CYB5R3: variants seen among roughly 807,000 people sequenced by gnomAD.
CYB5R3 encodes cytochrome b5 reductase 3, also known as NADH-cytochrome b5 reductase 3.
CYB5R3 carries 28 observed loss-of-function variants against 36.5 expected under a neutral mutation model. The observed-to-expected ratio is 0.77, with a 90% CI of 0.57 to 1.05. CYB5R3 has a LOEUF of 1.05. Among genes scored for constraint, CYB5R3 ranks in the 50% least tolerant of loss-of-function variants. The probability of loss-of-function intolerance (pLI) is 0.00; values close to 1 mark genes in which losing one functional copy is unlikely to be tolerated. For synonymous variants in CYB5R3, 181 were observed against 159.8 expected (o/e 1.13, Z -1.00); for missense variants, 474 against 408.9 (o/e 1.16, Z -1.37).
rs1261754071 is a variant in CYB5R3 at position 42,623,865 on chromosome 22, T to A, written c.657A>T (p.Arg219=). 1.2e-6 allele frequency: 2 copies of A among 1,613,946 alleles called. No homozygotes were observed. Among genetic ancestry groups the A allele is most frequent in the African/African-American group, 2.7e-5 (2 of 74,886 alleles). Reference sequence around the variant, plus strand: ...TGTTCCTGAGTTCCTCCAGCTCAGGTCGCAGCAGGATGTCCTTCTCGGTCT... The same window carrying A: ...TGTTCCTGAGTTCCTCCAGCTCAGGACGCAGCAGGATGTCCTTCTCGGTCT... ...ANQTEKDILL[R]PELEELRNKH... The change falls in exon 8 of 9, where the codon CGA becomes CGT. Residue 219 remains arginine, a synonymous_variant. Coordinates refer to ENST00000352397, the MANE Select transcript of CYB5R3 (RefSeq NM_000398.7).
chr22:42,648,547 T>C (rs1929629424), intron 1 of CYB5R3, among the ~76,000 whole-genome samples: 1 of 152,144 alleles, frequency 6.6e-6, no homozygotes, highest in African/African-American at 2.4e-5. Context: ...GCAGGCTCCT[T>C]CCGGCGGCAG....
intron 1 of CYB5R3, among the ~76,000 whole-genome samples, chr22:42,648,262 T>C (rs938397088): frequency 6.5e-5 from 9 of 137,546 alleles, no homozygotes; most frequent in Non-Finnish European, 9.4e-5. Context: ...GCCCTCCAAG[T>C]GGCAGATGCC....
At chr22:42,635,209 C>T (rs1426099711) in intron 2 of CYB5R3, among the ~76,000 whole-genome samples, 1 of 151,926 alleles carries the variant, frequency 6.6e-6, no homozygotes, top group African/African-American at 2.4e-5. Flanking sequence ...ACCTTGTGAT[C>T]CGCCTGTCTC....
In CYB5R3 at chr22:42,619,172, AG is replaced by A. The variant is rs1462806819; in HGVS notation, c.*600del. The A allele has an allele frequency of 6.5e-6, 1 of 153,490 alleles. No homozygotes were observed. Among genetic ancestry groups the A allele is most frequent in the East Asian group, 1.9e-4 (1 of 5,186 alleles). 9.5% of individuals were successfully genotyped at this position (153,490 alleles called of 1,614,324 possible). A position where few individuals can be genotyped will look rare whatever the true frequency, so the allele number is the denominator to read the frequency against. On this transcript the variant is annotated 3_prime_UTR_variant, in exon 9 of 9. Transcript: ENST00000352397. ...TGGAAGGAAATGCTGAGGTTCTGGG[AG>A]GGCCCCATGGCCAGCCCCCTCTTCC...
chr22:42,648,863 C>A (rs1007634438), intron 1 of CYB5R3, among the ~76,000 whole-genome samples: 7 of 152,158 alleles, frequency 4.6e-5, no homozygotes, highest in Admixed American at 1.3e-4. Flanking sequence ...CCCCATCACA[C>A]GTTTCCATGC....
intron 1 of CYB5R3, chr22:42,640,007 T>C (rs1314527887): frequency 1.2e-6 from 2 of 1,612,890 alleles, no homozygotes; most frequent in Non-Finnish European, 1.7e-6. Flanking sequence ...GTGATCTCTC[T>C]GACATAAAAC....
chr22:42,625,919 GAAAC>G (rs750964941), intron 7 of CYB5R3, among the ~76,000 whole-genome samples: 1 of 152,224 alleles, frequency 6.6e-6, no homozygotes, highest in Non-Finnish European at 1.5e-5. Flanking sequence ...ATGGGATGTA[GAAAC>G]AAACACAGGA....
chr22:42,627,536 G>A (rs1270729028), intron 6 of CYB5R3, 69 bp downstream of exon 6: 8 of 1,514,806 alleles, frequency 5.3e-6, no homozygotes, highest in African/African-American at 4.1e-5. Flanking sequence ...CAGAACCTGC[G>A]CCTCACCCAC....
intron 4 of CYB5R3, among the ~76,000 whole-genome samples, chr22:42,629,494 G>A (rs1928494604): frequency 6.6e-6 from 1 of 152,212 alleles, no homozygotes; most frequent in South Asian, 2.1e-4. Context: ...GGGAGCACTG[G>A]CTTCCCCATG....
chr22:42,639,280 T>G (rs1929093773), intron 1 of CYB5R3, among the ~76,000 whole-genome samples: 1 of 145,982 alleles, frequency 6.9e-6, no homozygotes, highest in Non-Finnish European at 1.5e-5. Context: ...GCTGAGATCG[T>G]GCCACTGCAC....
Position 42,636,846 on chromosome 22 carries a change from A to G in CYB5R3, c.22T>C (p.Leu8=), listed in dbSNP as rs368463503. 4.3e-6 allele frequency: 7 copies of G among 1,613,458 alleles called. No homozygotes were observed. Among genetic ancestry groups the G allele is most frequent in the Non-Finnish European group, 5.1e-6 (6 of 1,179,904 alleles). The change falls in exon 2 of 9, where the codon TTG becomes CTG. Residue 8 remains leucine (L), a splice_region_variant and synonymous_variant. Coordinates refer to ENST00000352397, the MANE Select transcript of CYB5R3 (RefSeq NM_000398.7). MGAQLST[L]GHMVLFPVWF... is the part of the protein sequence containing the mutation. ...ACTGGGAAGAGCACCATATGGCCCAACTGAAACGACAGGACCCGCGGGGTC... is the reference window on the plus strand; with the variant it reads ...ACTGGGAAGAGCACCATATGGCCCAGCTGAAACGACAGGACCCGCGGGGTC...
rs1208379025 is a variant in CYB5R3, at chr22:42,630,997, C to G, written c.227-9G>C. 6.2e-7 allele frequency: 1 copy of G among 1,612,200 alleles called. No homozygotes were observed. The highest frequency in any genetic ancestry group is 8.5e-7 in the Non-Finnish European group (1 of 1,178,886). On this transcript the variant is annotated splice_polypyrimidine_tract_variant and intron_variant, in intron 3 of 8. Transcript: ENST00000352397. ...GAGGTAGATGTGCTGGCCTGCAGGACAGAACGGGGTCACTCTGGGCCAGAG... is the reference window on the plus strand; with the variant it reads ...GAGGTAGATGTGCTGGCCTGCAGGAGAGAACGGGGTCACTCTGGGCCAGAG...
Position 42,631,721 on chromosome 22 carries a change from C to T in CYB5R3, c.154-271G>A. On this transcript the variant is annotated intron_variant, in intron 2 of 8. Transcript: ENST00000352397. ...CAAGGTGGCCAGAACAGGGAATGAA[C>T]CCAGGGTCCCAAAGGGAGGATGCCA... The T allele has an allele frequency of 5.5e-6, 3 of 547,534 alleles. No individual in the cohort carries two copies. In the South Asian group the frequency reaches 6.3e-5, roughly 11 times the overall value. The allele number at this position is 547,534 out of a possible 1,614,324, so 33.9% of individuals were successfully genotyped here. A position where few individuals can be genotyped will look rare whatever the true frequency, so the allele number is the denominator to read the frequency against.
chr22:42,640,173 G>C, intron 1 of CYB5R3: 4 of 1,612,564 alleles, frequency 2.5e-6, no homozygotes, highest in Non-Finnish European at 3.4e-6. Flanking sequence ...GCTCAACCGT[G>C]GTGTAGTACC....
At chr22:42,645,419 G>A (rs747280084) in intron 1 of CYB5R3, among the ~76,000 whole-genome samples, 4 of 152,128 alleles carry the variant, frequency 2.6e-5, no homozygotes, top group East Asian at 1.9e-4. Context: ...AGAAAAGCCC[G>A]CTTGTCCTCC....
At chr22:42,625,487 C>A (rs1928217894) in intron 7 of CYB5R3, among the ~76,000 whole-genome samples, 1 of 152,042 alleles carries the variant, frequency 6.6e-6, no homozygotes, top group African/African-American at 2.4e-5. Context: ...CCAGCCTGGG[C>A]AATAAGAGTG....
chr22:42,624,090 G>A (rs1224822030), intron 7 of CYB5R3, among the ~76,000 whole-genome samples: 2 of 152,244 alleles, frequency 1.3e-5, no homozygotes, highest in Admixed American at 1.3e-4. Context: ...TGCTGCTGAA[G>A]GGGCGAAGGC....
chr22:42,624,020 C>CA (rs1446906146), intron 7 of CYB5R3, 132 bp from the exon 8 acceptor site: 1 of 755,806 alleles, frequency 1.3e-6, no homozygotes, highest in African/African-American at 1.7e-5. Flanking sequence ...GGAGGGGACT[C>CA]GGCCAGAGAT....
At chr22:42,643,838 C>G (rs968201814) in intron 1 of CYB5R3, among the ~76,000 whole-genome samples, 1 of 152,130 alleles carries the variant, frequency 6.6e-6, no homozygotes, top group African/African-American at 2.4e-5. Context: ...CGGGCCCTAC[C>G]TGGAGGATGG....
Sources: gnomAD v4.1 joint callset for allele counts (sites outside exome capture counted in the v4.1 genomes callset) on GRCh38, gnomAD v4.1.1 for gene constraint, MANE v1.5 for transcripts, NCBI Gene and HGNC (gene_info 2026-07-23, HGNC 2026-07-21) for gene names.